Variants in ARHGAP31 observed in about 807,000 individuals in gnomAD.
ARHGAP31 encodes the protein Rho GTPase activating protein 31, also known as rho GTPase-activating protein 31.
A neutral mutation model predicts 113.9 loss-of-function variants in ARHGAP31; 34 were observed. That is an observed-to-expected ratio of 0.30 (90% CI 0.23 to 0.40). The LOEUF (loss-of-function observed/expected upper bound fraction) is 0.40. Ranked by LOEUF, ARHGAP31 falls within the 10% of genes least tolerant of loss-of-function variation. The pLI, the probability that ARHGAP31 is intolerant of heterozygous loss-of-function variation, is 1.00. For missense variants in ARHGAP31, 1,548 were observed against 1,767.1 expected (o/e 0.88, Z 2.22); for synonymous variants, 650 against 684.8 (o/e 0.95, Z 0.79).
At chr3:119,390,426 C>T (rs2080493366) in intron 6 of ARHGAP31, among the ~76,000 whole-genome samples, 1 of 151,858 alleles carries the variant, frequency 6.6e-6, no homozygotes, top group Non-Finnish European at 1.5e-5. Context: ...CTGGCCGAAG[C>T]ACTGGGCAGA....
chr3:119,402,537 C>A, intron 10 of ARHGAP31, 140 bp downstream of exon 10: 1 of 886,034 alleles, frequency 1.1e-6, no homozygotes, highest in Non-Finnish European at 1.8e-6. Context: ...CCACGCTCTG[C>A]CATTTTACTG....
Position 119,415,679 on chromosome 3 carries a change from T to A in ARHGAP31, c.3750T>A (p.Asp1250Glu). 6.2e-7 allele frequency: 1 copy of A among 1,613,978 alleles called. No homozygotes were observed. Among genetic ancestry groups the A allele is most frequent in the Non-Finnish European group, 8.5e-7 (1 of 1,179,988 alleles). Reference protein sequence around the residue: ...SGTTQKPAKDDSPSSLESSKE... With the variant: ...SGTTQKPAKDESPSSLESSKE... ...CCACTCAGAAACCTGCCAAAGATGA[T>A]TCTCCCTCCTCCCTGGAAAGCTCAA... The change falls in exon 12 of 12, where the codon GAT becomes GAA. Residue 1250 changes from aspartate to glutamate, a missense_variant. Asp to Glu is a conservative substitution (Grantham distance 45). Coordinates refer to ENST00000264245, the MANE Select transcript of ARHGAP31 (RefSeq NM_020754.4).
chr3:119,418,509 C>G lies in ARHGAP31; in HGVS notation c.*2245C>G, dbSNP rs2080797347. The G allele has an allele frequency of 6.6e-6, 1 of 152,038 alleles. No individual in the cohort carries two copies. Among genetic ancestry groups the G allele is most frequent in the Non-Finnish European group, 1.5e-5 (1 of 68,004 alleles). 9.4% of individuals were successfully genotyped at this position (152,038 alleles called of 1,614,324 possible). ...AGGGAAAGAGCTGCACTTTGCTTCA[C>G]CATCAGAACTCTGAGCCAAATAATG... On this transcript the variant is annotated 3_prime_UTR_variant, in exon 12 of 12. Transcript: ENST00000264245.
chr3:119,391,055 T>G (rs911883293), intron 7 of ARHGAP31, 72 bp downstream of exon 7: 1 of 1,534,512 alleles, frequency 6.5e-7, no homozygotes, highest in African/African-American at 1.4e-5. Context: ...AGGTATACAG[T>G]CTCAGGACCA....
intron 8 of ARHGAP31, among the ~76,000 whole-genome samples, chr3:119,397,878 A>T (rs2080566032): frequency 6.6e-6 from 1 of 152,216 alleles, no homozygotes; most frequent in Admixed American, 6.5e-5. Flanking sequence ...ACAATCAATA[A>T]TTATTACTTT....
chr3:119,295,551 G>A (rs572013874), intron 1 of ARHGAP31, among the ~76,000 whole-genome samples: 15 of 152,140 alleles, frequency 9.9e-5, no homozygotes, highest in African/African-American at 3.6e-4. Context: ...TTTCTGAGCT[G>A]ATGCCAAATA....
At chr3:119,367,990 G>A (rs892025789) in intron 2 of ARHGAP31, among the ~76,000 whole-genome samples, 2 of 152,002 alleles carry the variant, frequency 1.3e-5, no homozygotes, top group Admixed American at 6.6e-5. Flanking sequence ...CCCTAGTTTC[G>A]GTCTCTCCTG....
chr3:119,337,136 C>T (rs1333027075), intron 1 of ARHGAP31, among the ~76,000 whole-genome samples: 2 of 152,194 alleles, frequency 1.3e-5, no homozygotes, highest in African/African-American at 4.8e-5. Context: ...CTTGGTCTTG[C>T]TCACTTCAAG....
At position 119,413,993 on chromosome 3, in the gene ARHGAP31, G is replaced by A. The variant is rs781216882; in HGVS notation, c.2064G>A (p.Ser688=). ...GCCCAATTCAGCCTATTCTCGAGTC[G>A]AGTCTGGGGCCCTTTATTCCCTCAG... is the stretch of plus-strand genomic sequence containing the variant. ...KTSPIQPILE[S]SLGPFIPSEP... is the part of the protein sequence containing the mutation. Residue 688 remains serine, a synonymous_variant, in exon 12 of 12, where the codon TCG becomes TCA. Coordinates refer to ENST00000264245, the MANE Select transcript of ARHGAP31 (RefSeq NM_020754.4). The A allele has an allele frequency of 1.2e-6, 2 of 1,614,118 alleles. No individual in the cohort carries two copies. The highest frequency in any genetic ancestry group is 1.7e-6 in the Non-Finnish European group (2 of 1,180,026).
At chr3:119,351,520 T>C (rs991917004) in intron 1 of ARHGAP31, among the ~76,000 whole-genome samples, 9 of 151,908 alleles carry the variant, frequency 5.9e-5, no homozygotes, top group South Asian at 2.1e-4. Context: ...CATCTGAAAA[T>C]AGGAGTAGTA....
rs746965144 is a variant in ARHGAP31 at position 119,414,869 on chromosome 3, A to G, written c.2940A>G (p.Thr980=). The G allele has an allele frequency of 6.8e-6, 11 of 1,614,222 alleles. 1 individual carries two copies. In the South Asian group the frequency reaches 9.9e-5, roughly 14 times the overall value. The change falls in exon 12 of 12, where the codon ACA becomes ACG. Residue 980 remains threonine, a synonymous_variant. Coordinates refer to ENST00000264245, the MANE Select transcript of ARHGAP31 (RefSeq NM_020754.4). Reference sequence around the variant, plus strand: ...CCAGCAGCTGTGCTAATCTTGAAACAGAGAGGAATTCTGACCCTCTTCAGC... The same window carrying G: ...CCAGCAGCTGTGCTAATCTTGAAACGGAGAGGAATTCTGACCCTCTTCAGC... ...PSSSSCANLE[T]ERNSDPLQPQ... is the part of the protein sequence containing the mutation.
At chr3:119,342,675 T>G (rs1243207876) in intron 1 of ARHGAP31, among the ~76,000 whole-genome samples, 1 of 152,162 alleles carries the variant, frequency 6.6e-6, no homozygotes, top group Admixed American at 6.5e-5. Context: ...ACAGGCCGGG[T>G]GCAGTGGCTC....
At chr3:119,332,530 A>G (rs2079900992) in intron 1 of ARHGAP31, among the ~76,000 whole-genome samples, 1 of 151,862 alleles carries the variant, frequency 6.6e-6, no homozygotes, top group Non-Finnish European at 1.5e-5. Context: ...ATGTGCTTCT[A>G]CAAGCTGTAG....
intron 6 of ARHGAP31, among the ~76,000 whole-genome samples, chr3:119,385,815 A>G (rs1373820155): frequency 6.6e-6 from 1 of 152,264 alleles, no homozygotes; most frequent in Non-Finnish European, 1.5e-5. Context: ...CTTTTAGCCC[A>G]TGCTCTTTCC....
intron 3 of ARHGAP31, among the ~76,000 whole-genome samples, chr3:119,369,148 AAAG>A (rs2080274913): frequency 1.3e-5 from 2 of 152,222 alleles, no homozygotes; most frequent in Admixed American, 1.3e-4. Context: ...AGGAAAGTAG[AAAG>A]AAGAATAAAT....
chr3:119,396,042 C>T (rs898519175), intron 8 of ARHGAP31, among the ~76,000 whole-genome samples: 2 of 152,064 alleles, frequency 1.3e-5, no homozygotes, highest in African/African-American at 4.8e-5. Flanking sequence ...AGTGGTACAG[C>T]CATGAAAGAG....
chr3:119,302,424 G>A (rs976406073), intron 1 of ARHGAP31, among the ~76,000 whole-genome samples: 2 of 152,192 alleles, frequency 1.3e-5, no homozygotes, highest in Admixed American at 1.3e-4. Context: ...GAAAACATCA[G>A]GCTGCTGAAT....
chr3:119,383,437 G>T (rs1012667524), intron 6 of ARHGAP31, among the ~76,000 whole-genome samples: 5 of 152,194 alleles, frequency 3.3e-5, no homozygotes, highest in African/African-American at 1.2e-4. Flanking sequence ...TGTGGCTTTA[G>T]CATGTTTCTA....
At chr3:119,348,265 A>G (rs2080078730) in intron 1 of ARHGAP31, among the ~76,000 whole-genome samples, 1 of 152,252 alleles carries the variant, frequency 6.6e-6, no homozygotes, top group Non-Finnish European at 1.5e-5. Flanking sequence ...ACATATTACA[A>G]TGTAATAATA....
Sources: allele counts gnomAD v4.1 joint callset (sites outside exome capture counted in the v4.1 genomes callset), GRCh38; gene constraint gnomAD v4.1.1; transcripts MANE v1.5; gene names NCBI Gene and HGNC (gene_info 2026-07-23, HGNC 2026-07-21).